WWP1: variants seen among roughly 807,000 people sequenced by gnomAD.
The protein encoded by WWP1 is NEDD4-like E3 ubiquitin-protein ligase WWP1.
Under a neutral mutation model 130.6 loss-of-function variants are expected in WWP1, and 49 were observed. The observed-to-expected ratio is 0.38, with a 90% confidence interval of 0.30 to 0.48. The LOEUF is 0.48. Among genes scored for constraint, WWP1 ranks in the 20% least tolerant of loss-of-function variants. The probability of loss-of-function intolerance (pLI) is 0.99; values close to 1 mark genes in which losing one functional copy is unlikely to be tolerated. For missense variants in WWP1, 809 were observed against 1,100.6 expected (o/e 0.74, Z 3.75); for synonymous variants, 332 against 367.8 (o/e 0.90, Z 1.11).
intron 2 of WWP1, among the ~76,000 whole-genome samples, chr8:86,373,613 C>T (rs1586289159): frequency 6.6e-6 from 1 of 152,118 alleles, no homozygotes; most frequent in Non-Finnish European, 1.5e-5. Flanking sequence ...AGATTATAGA[C>T]TCAGACTTGG....
intron 2 of WWP1, among the ~76,000 whole-genome samples, chr8:86,370,967 G>A (rs1057246918): frequency 7.5e-6 from 1 of 133,826 alleles, no homozygotes; most frequent in Non-Finnish European, 1.5e-5. Flanking sequence ...CCGGGTTTAA[G>A]TAATTCTCCT....
intron 9 of WWP1, among the ~76,000 whole-genome samples, chr8:86,424,304 GCTC>G (rs1809455645): frequency 6.7e-6 from 1 of 149,252 alleles, no homozygotes; most frequent in African/African-American, 2.5e-5. Flanking sequence ...GGGAAGAGGC[GCTC>G]CTCACTTCCC....
chr8:86,394,373 A>G (rs766474154), intron 5 of WWP1, among the ~76,000 whole-genome samples: 11 of 152,252 alleles, frequency 7.2e-5, no homozygotes, highest in Non-Finnish European at 1.3e-4. Flanking sequence ...CCCCTAGGAC[A>G]GGACTACCTT....
chr8:86,399,565 G>T lies in WWP1; in HGVS notation c.539+927G>T, dbSNP rs188352644. On this transcript the variant is annotated intron_variant, in intron 7 of 24. Coordinates refer to ENST00000517970, the MANE Select transcript of WWP1 (RefSeq NM_007013.4). ...CTAGTATCGTTTCTTCTAAGTTGCC[G>T]TTAAGTGATTCTCATTAGACCACTT... 1.5e-4 allele frequency among the ~76,000 whole-genome samples: 23 copies of T among 152,232 alleles called. 1 individual carries two copies. In the East Asian group the frequency reaches 4.0e-3, roughly 27 times the overall value.
intron 1 of WWP1, among the ~76,000 whole-genome samples, chr8:86,343,608 A>T (rs926825016): frequency 1.6e-4 from 25 of 152,280 alleles, no homozygotes; most frequent in African/African-American, 5.5e-4. Context: ...CCTTTAAATG[A>T]TCAGTCTTGT....
rs184519545 is a variant in WWP1, at chr8:86,378,830, A to G, written c.71-1896A>G. 1.7e-3 allele frequency among the ~76,000 whole-genome samples: 261 copies of G among 152,290 alleles called. 2 individuals are homozygous for G. The highest frequency in any genetic ancestry group is 5.9e-3 in the African/African-American group (247 of 41,570). On this transcript the variant is annotated intron_variant, in intron 3 of 24. Coordinates refer to ENST00000517970, the MANE Select transcript of WWP1 (RefSeq NM_007013.4). ...GAACTCAGAGAAGAGTTAATACTAT[A>G]TAGTCAGTAATAATAGAGTAACAGC... is the stretch of plus-strand genomic sequence containing the variant.
At chr8:86,430,919 G>GATTATATATTCTATAT (rs1809923148) in intron 12 of WWP1, among the ~76,000 whole-genome samples, 168 bp downstream of exon 12, 2 of 126,164 alleles carry the variant, frequency 1.6e-5, no homozygotes, top group South Asian at 4.9e-4. Flanking sequence ...ATTTAATATG[G>GATTATATATTCTATAT]ATTATATATT....
chr8:86,418,291 T>G (rs968360281), intron 9 of WWP1, among the ~76,000 whole-genome samples: 2 of 152,222 alleles, frequency 1.3e-5, no homozygotes, highest in African/African-American at 4.8e-5. Flanking sequence ...TGGTCTAATA[T>G]ATAGGTCTCC....
intron 6 of WWP1, 23 bp from the exon 7 acceptor site, chr8:86,398,548 GT>G (rs35217518): frequency 3.1e-6 from 5 of 1,611,516 alleles, no homozygotes; most frequent in Non-Finnish European, 4.2e-6. Flanking sequence ...TAAAAACCTA[GT>G]TTTTTTCTTT....
At chr8:86,444,092 T>A (rs1039687368) in intron 18 of WWP1, among the ~76,000 whole-genome samples, 1 of 152,216 alleles carries the variant, frequency 6.6e-6, no homozygotes, top group South Asian at 2.1e-4. Flanking sequence ...GGAAAATCAT[T>A]TGTAACAATC....
intron 1 of WWP1, among the ~76,000 whole-genome samples, chr8:86,363,627 C>G (rs939044406): frequency 6.6e-6 from 1 of 151,862 alleles, no homozygotes; most frequent in Non-Finnish European, 1.5e-5. Context: ...CATGGTGAAA[C>G]CCCGTCTCTA....
intron 1 of WWP1, among the ~76,000 whole-genome samples, chr8:86,353,261 G>C (rs1417217507): frequency 6.6e-6 from 1 of 152,034 alleles, no homozygotes; most frequent in Non-Finnish European, 1.5e-5. Context: ...TGACACCTAC[G>C]GGCTACTTCA....
intron 21 of WWP1, among the ~76,000 whole-genome samples, chr8:86,456,925 T>C (rs1361950397): frequency 6.6e-6 from 1 of 151,896 alleles, no homozygotes; most frequent in Non-Finnish European, 1.5e-5. Context: ...AGGACAAATA[T>C]AATCTGTGGT....
intron 8 of WWP1, among the ~76,000 whole-genome samples, chr8:86,406,114 A>G (rs941596765): frequency 1.4e-4 from 21 of 152,162 alleles, no homozygotes; most frequent in Non-Finnish European, 2.5e-4. Flanking sequence ...GATTAGATTT[A>G]GCTTCTGACA....
At chr8:86,346,426 A>G (rs954022790) in intron 1 of WWP1, among the ~76,000 whole-genome samples, 5 of 152,220 alleles carry the variant, frequency 3.3e-5, no homozygotes, top group African/African-American at 1.2e-4. Flanking sequence ...CTGTCTCAAA[A>G]AAAAAGAACT....
chr8:86,385,236 G>T (rs1415501494), intron 5 of WWP1, among the ~76,000 whole-genome samples: 1 of 152,182 alleles, frequency 6.6e-6, no homozygotes, highest in Non-Finnish European at 1.5e-5. Flanking sequence ...ACCTTGAATA[G>T]AATTGTGTAT....
chr8:86,359,883 A>G (rs1232552291), intron 1 of WWP1, among the ~76,000 whole-genome samples: 1 of 152,006 alleles, frequency 6.6e-6, no homozygotes, highest in African/African-American at 2.4e-5. Context: ...CCCCGTCTCT[A>G]CTAAAAATAC....
intron 2 of WWP1, among the ~76,000 whole-genome samples, chr8:86,372,608 A>G (rs1206106055): frequency 1.3e-5 from 2 of 152,170 alleles, no homozygotes; most frequent in Admixed American, 6.5e-5. Flanking sequence ...GGTTTTATAT[A>G]TGATGTGCAG....
At chr8:86,365,377 G>C (rs1461413782) in intron 1 of WWP1, among the ~76,000 whole-genome samples, 2 of 152,126 alleles carry the variant, frequency 1.3e-5, no homozygotes, top group Non-Finnish European at 2.9e-5. Context: ...TGGTTAGATA[G>C]GCATTTTTAG....
Sources: allele counts gnomAD v4.1 joint callset (sites outside exome capture counted in the v4.1 genomes callset), GRCh38; gene constraint gnomAD v4.1.1; transcripts MANE v1.5; gene names NCBI Gene and HGNC (gene_info 2026-07-23, HGNC 2026-07-21).